GPX7: variants seen among roughly 807,000 people sequenced by gnomAD.
The protein encoded by GPX7 is protein peroxidase GPX7.
Under a neutral mutation model 23.7 loss-of-function variants are expected in GPX7, and 21 were observed. That is an observed-to-expected ratio of 0.89 (90% CI 0.63 to 1.28). The LOEUF (loss-of-function observed/expected upper bound fraction) is 1.28, where lower values mean the gene tolerates loss of function less well. Ranked by LOEUF, GPX7 falls within the 50% of genes most tolerant of loss-of-function variation. The pLI, the probability that GPX7 is intolerant of heterozygous loss-of-function variation, is 0.00. For missense variants in GPX7, 238 were observed against 237.3 expected (o/e 1.00, Z -0.02); for synonymous variants, 112 against 101.8 (o/e 1.10, Z -0.61).
At chr1:52,603,497 G>C (rs1690823669) in intron 1 of GPX7, among the ~76,000 whole-genome samples, 1 of 152,154 alleles carries the variant, frequency 6.6e-6, no homozygotes, top group African/African-American at 2.4e-5. Flanking sequence ...AGGCCTGCAT[G>C]TCACATTATG....
At chr1:52,605,515 C>T (rs1016115347) in intron 1 of GPX7, among the ~76,000 whole-genome samples, 1 of 152,082 alleles carries the variant, frequency 6.6e-6, no homozygotes, top group Admixed American at 6.6e-5. Flanking sequence ...GCCTAGGCAC[C>T]GGCTAGGGTT....
At position 52,608,477 on chromosome 1, in the gene GPX7, A is replaced by C; in HGVS notation, c.*52A>C. 1 of 1,468,210 alleles carries C rather than the reference A, an allele frequency of 6.8e-7. No homozygotes were observed. The highest frequency in any genetic ancestry group is 1.4e-5 in the African/African-American group (1 of 71,018). 90.9% of individuals were successfully genotyped at this position (1,468,210 alleles called of 1,614,324 possible). A position where few individuals can be genotyped will look rare whatever the true frequency, so the allele number is the denominator to read the frequency against. On this transcript the variant is annotated 3_prime_UTR_variant, in exon 3 of 3. Transcript: ENST00000361314. Reference sequence around the variant, plus strand: ...CATCCCGCCCACCTGTGTGGGGCTGACCAATGCAAACTCAAATGGTGCTTC... The same window carrying C: ...CATCCCGCCCACCTGTGTGGGGCTGCCCAATGCAAACTCAAATGGTGCTTC...
chr1:52,605,681 G>A (rs1485916758), intron 1 of GPX7, among the ~76,000 whole-genome samples: 1 of 152,276 alleles, frequency 6.6e-6, no homozygotes, highest in South Asian at 2.1e-4. Flanking sequence ...ATAAAAGAAA[G>A]TGGTAGGCTG....
rs1690863635 is a variant in GPX7, at chr1:52,607,174, C to G, written c.400+229C>G. 7.0e-6 allele frequency: 4 copies of G among 569,512 alleles called. No homozygotes were observed. In the South Asian group the frequency reaches 9.6e-5, roughly 14 times the overall value. The allele number at this position is 569,512 out of a possible 1,614,324, so 35.3% of individuals were successfully genotyped here. Reference sequence around the variant, plus strand: ...GAATATCTCCATACCTGCTGCCTCTCACTTGTCCCTCAGAAGTCACTCTTT... The same window carrying G: ...GAATATCTCCATACCTGCTGCCTCTGACTTGTCCCTCAGAAGTCACTCTTT... On this transcript the variant is annotated intron_variant, in intron 2 of 2. Coordinates refer to ENST00000361314, the MANE Select transcript of GPX7 (RefSeq NM_015696.5).
chr1:52,605,045 TAAAAAAA>T (rs59749784), intron 1 of GPX7, among the ~76,000 whole-genome samples: 1 of 83,670 alleles, frequency 1.2e-5, no homozygotes, highest in Non-Finnish European at 2.2e-5. Context: ...ACTCTGTCTT[TAAAAAAA>T]AAAAAAAAAA....
At chr1:52,605,045 T>TAAAAAAAAAAAAAAAAAAAAAAAA (rs59749784) in intron 1 of GPX7, among the ~76,000 whole-genome samples, 1 of 83,672 alleles carries the variant, frequency 1.2e-5, no homozygotes. Context: ...ACTCTGTCTT[T>TAAAAAAAAAAAAAAAAAAAAAAAA]AAAAAAAAAA....
chr1:52,607,812 G>A (rs543803349), intron 2 of GPX7, among the ~76,000 whole-genome samples: 10 of 152,000 alleles, frequency 6.6e-5, no homozygotes, highest in African/African-American at 2.4e-4. Context: ...AAGCACCTGG[G>A]GAGCTCTTAA....
Position 52,608,430 on chromosome 1 carries a change from C to G in GPX7, c.*5C>G. The G allele has an allele frequency of 6.3e-7, 1 of 1,597,360 alleles. No individual in the cohort carries two copies. Among genetic ancestry groups the G allele is most frequent in the Admixed American group, 1.7e-5 (1 of 57,312 alleles). ...CTGAAGCGAGAAGACTTATAACCAC[C>G]GCGTCTCCTCCTCCACCACCTCATC... On this transcript the variant is annotated 3_prime_UTR_variant, in exon 3 of 3. Transcript: ENST00000361314.
chr1:52,608,074 A>C (rs1311311131), intron 2 of GPX7, among the ~76,000 whole-genome samples, 188 bp from the exon 3 acceptor site: 1 of 152,164 alleles, frequency 6.6e-6, no homozygotes, highest in Non-Finnish European at 1.5e-5. Context: ...CCACTTTGGA[A>C]TCTCCCAGGG....
In GPX7 at chr1:52,606,739, G is replaced by C. The variant is rs115958553; in HGVS notation, c.194G>C (p.Arg65Pro). Residue 65 changes from arginine to proline, a missense_variant, in exon 2 of 3, where the codon CGA becomes CCA. Physicochemically the swap from Arg to Pro is moderately radical, Grantham distance 103 (BLOSUM62 -2). Transcript: ENST00000361314. ...SECGFTDQHYRALQQLQRDLG... is the reference protein window; with the variant it reads ...SECGFTDQHYPALQQLQRDLG... Reference sequence around the variant, plus strand: ...TGCGGCTTCACAGACCAGCACTACCGAGCCCTGCAGCAGCTGCAGCGAGAC... The same window carrying C: ...TGCGGCTTCACAGACCAGCACTACCCAGCCCTGCAGCAGCTGCAGCGAGAC... The C allele has an allele frequency of 1.9e-6, 3 of 1,614,102 alleles. No individual in the cohort carries two copies. The highest frequency in any genetic ancestry group is 2.2e-5 in the South Asian group (2 of 91,084).
At position 52,602,460 on chromosome 1, in the gene GPX7, C is replaced by T; in HGVS notation, c.51C>T (p.Ala17=). 6.5e-7 allele frequency: 1 copy of T among 1,541,746 alleles called. No homozygotes were observed. Residue 17 remains alanine, a synonymous_variant, in exon 1 of 3, where the codon GCC becomes GCT. Coordinates refer to ENST00000361314, the MANE Select transcript of GPX7 (RefSeq NM_015696.5). ...AAAWLLLWAA[A]CAQQEQDFYD... Reference sequence around the variant, plus strand: ...CGTGGCTGCTCCTGTGGGCTGCGGCCTGCGCGCAGCAGGAGCAGGACTTCT... The same window carrying T: ...CGTGGCTGCTCCTGTGGGCTGCGGCTTGCGCGCAGCAGGAGCAGGACTTCT...
chr1:52,602,568 G>A (rs760538859), intron 1 of GPX7, 21 bp downstream of exon 1: 2 of 1,509,870 alleles, frequency 1.3e-6, no homozygotes, highest in Admixed American at 2.2e-5. Flanking sequence ...GGGGTCTGGC[G>A]GCGCCGCTGG....
intron 2 of GPX7, among the ~76,000 whole-genome samples, chr1:52,607,676 C>A (rs1329460690): frequency 2.6e-5 from 4 of 152,148 alleles, no homozygotes. Context: ...ACAAAAGGTC[C>A]CTTACTGCGG....
rs1398952342 is a variant in GPX7 at position 52,602,557 on chromosome 1, CG to C, written c.138+14del. Reference sequence around the variant, plus strand: ...GAAGTACCGCGGATCGGTGAGTGCGCGGGGTCTGGCGGCGCCGCTGGGCCCG... The same window carrying C: ...GAAGTACCGCGGATCGGTGAGTGCGCGGGTCTGGCGGCGCCGCTGGGCCCG... On this transcript the variant is annotated intron_variant, in intron 1 of 2. Transcript: ENST00000361314. 67 of 1,537,110 alleles carry C rather than the reference CG, an allele frequency of 4.4e-5. No individual in the cohort carries two copies. Among genetic ancestry groups the C allele is most frequent in the Non-Finnish European group, 5.7e-5 (65 of 1,144,994 alleles).
At chr1:52,606,629 C>G in intron 1 of GPX7, 55 bp from the exon 2 acceptor site, 1 of 1,584,286 alleles carries the variant, frequency 6.3e-7, no homozygotes, top group East Asian at 2.2e-5. Flanking sequence ...TGTACAGGTT[C>G]ATGCCTCTTC....
intron 1 of GPX7, among the ~76,000 whole-genome samples, chr1:52,605,188 T>C (rs1489465006): frequency 1.3e-5 from 2 of 152,076 alleles, no homozygotes; most frequent in Non-Finnish European, 2.9e-5. Context: ...TGGTGTATGC[T>C]GACCTCAAAT....
At chr1:52,603,089 G>T (rs1204772726) in intron 1 of GPX7, among the ~76,000 whole-genome samples, 1 of 152,174 alleles carries the variant, frequency 6.6e-6, no homozygotes, top group Non-Finnish European at 1.5e-5. Context: ...AAGGCCCAGA[G>T]AGGGCAGGCA....
At chr1:52,602,684 C>T (rs1423290763) in intron 1 of GPX7, 137 bp downstream of exon 1, 107 of 245,582 alleles carry the variant, frequency 4.4e-4, no homozygotes, top group Non-Finnish European at 6.4e-4. Context: ...AAACCCCGGC[C>T]CCCGCCCCGC....
At chr1:52,605,880 G>A (rs963133357) in intron 1 of GPX7, among the ~76,000 whole-genome samples, 2 of 152,180 alleles carry the variant, frequency 1.3e-5, no homozygotes, top group Non-Finnish European at 2.9e-5. Flanking sequence ...AGAGGCTGAG[G>A]TGGGAGGATC....
Sources: gnomAD v4.1 joint callset for allele counts (sites outside exome capture counted in the v4.1 genomes callset) on GRCh38, gnomAD v4.1.1 for gene constraint, MANE v1.5 for transcripts, NCBI Gene and HGNC (gene_info 2026-07-23, HGNC 2026-07-21) for gene names.